PIWIL2: variants seen among roughly 807,000 people sequenced by gnomAD.
PIWIL2 encodes piwi-like protein 2.
PIWIL2 carries 81 observed loss-of-function variants against 116.5 expected under a neutral mutation model. That is an observed-to-expected ratio of 0.70 (90% CI 0.58 to 0.84). The LOEUF is 0.84. Among genes scored for constraint, PIWIL2 ranks in the 40% least tolerant of loss-of-function variants. The pLI is 0.00. For missense variants in PIWIL2, 1,272 were observed against 1,212.3 expected (o/e 1.05, Z -0.73); for synonymous variants, 489 against 429.5 (o/e 1.14, Z -1.71).
chr8:22,340,588 C>A (rs1175409901), intron 20 of PIWIL2, among the ~76,000 whole-genome samples: 1 of 152,112 alleles, frequency 6.6e-6, no homozygotes, highest in Non-Finnish European at 1.5e-5. Context: ...ATTGAAGATG[C>A]AGACACAGAC....
At chr8:22,293,697 A>G (rs1166780071) in intron 10 of PIWIL2, among the ~76,000 whole-genome samples, 3 of 152,224 alleles carry the variant, frequency 2.0e-5, no homozygotes, top group Non-Finnish European at 2.9e-5. Flanking sequence ...TCTCTGTACT[A>G]TTATACAATT....
chr8:22,350,858 A>C (rs1224393401), intron 20 of PIWIL2, among the ~76,000 whole-genome samples: 2 of 151,982 alleles, frequency 1.3e-5, no homozygotes, highest in African/African-American at 4.8e-5. Context: ...AAATAAAATT[A>C]GGCTGGGCGC....
At chr8:22,344,513 C>G (rs1209861097) in intron 20 of PIWIL2, among the ~76,000 whole-genome samples, 1 of 152,052 alleles carries the variant, frequency 6.6e-6, no homozygotes, top group Non-Finnish European at 1.5e-5. Context: ...AAAATAGTCT[C>G]TTAATTTAAA....
At chr8:22,275,718 G>C (rs1282298909) in intron 1 of PIWIL2, 1 of 152,522 alleles carries the variant, frequency 6.6e-6, no homozygotes, top group Admixed American at 6.5e-5. Flanking sequence ...TGCTTTTCTC[G>C]GGGTGGAAAG....
intron 10 of PIWIL2, among the ~76,000 whole-genome samples, chr8:22,293,568 G>A (rs553618795): frequency 9.9e-5 from 15 of 152,106 alleles, no homozygotes; most frequent in African/African-American, 3.1e-4. Context: ...CAGGTAATCC[G>A]CCTGCCTCAG....
At chr8:22,323,917 A>T (rs1831665071) in intron 20 of PIWIL2, among the ~76,000 whole-genome samples, 1 of 152,168 alleles carries the variant, frequency 6.6e-6, no homozygotes, top group Non-Finnish European at 1.5e-5. Context: ...TAGTTGAGCT[A>T]ACAAACAATA....
chr8:22,318,170 C>G lies in PIWIL2; in HGVS notation c.2298C>G (p.Leu766=), dbSNP rs1214863045. 1 of 1,601,760 alleles carries G rather than the reference C, an allele frequency of 6.2e-7. No individual in the cohort carries two copies. Among genetic ancestry groups the G allele is most frequent in the Admixed American group, 1.7e-5 (1 of 59,988 alleles). The change falls in exon 20 of 23, where the codon CTC becomes CTG. Residue 766 remains leucine (L), a splice_region_variant and synonymous_variant. Transcript: ENST00000356766. The part of the protein sequence containing the change: ...SVVGFVASIN[L]TLTKWYSRVV... Reference sequence around the variant, plus strand: ...GTCTCTCTGCTCACCCTGACCCTAGCACCCTCACAAAATGGTATTCCCGGG... The same window carrying G: ...GTCTCTCTGCTCACCCTGACCCTAGGACCCTCACAAAATGGTATTCCCGGG...
At chr8:22,301,957 T>G (rs1057227444) in intron 10 of PIWIL2, among the ~76,000 whole-genome samples, 8 of 152,158 alleles carry the variant, frequency 5.3e-5, no homozygotes, top group East Asian at 1.9e-4. Flanking sequence ...CTCATGTAAT[T>G]TAAGGCACAA....
intron 20 of PIWIL2, among the ~76,000 whole-genome samples, chr8:22,321,260 G>C (rs1004834458): frequency 2.0e-5 from 3 of 151,706 alleles, no homozygotes; most frequent in Non-Finnish European, 4.4e-5. Context: ...ACAGGCATAT[G>C]CCACCAAGCC....
chr8:22,323,186 C>T (rs1307720591), intron 20 of PIWIL2, among the ~76,000 whole-genome samples: 18 of 112,370 alleles, frequency 1.6e-4, no homozygotes, highest in Non-Finnish European at 2.2e-4. Flanking sequence ...CTTGCTCTGT[C>T]GCCCAGGCTG....
rs966513272 is a variant in PIWIL2 at position 22,356,942 on chromosome 8, C to T, written c.*1437C>T. 4.6e-5 allele frequency: 7 copies of T among 151,934 alleles called. No homozygotes were observed. Among genetic ancestry groups the T allele is most frequent in the Non-Finnish European group, 8.8e-5 (6 of 67,990 alleles). The allele number at this position is 151,934 out of a possible 1,614,324, so 9.4% of individuals were successfully genotyped here. On this transcript the variant is annotated 3_prime_UTR_variant, in exon 23 of 23. Transcript: ENST00000356766. Reference sequence around the variant, plus strand: ...TCTTGCTTTATTGGGTTTTAAAAACCGGTCTTATTTAAGCTTTTCTAATTT... The same window carrying T: ...TCTTGCTTTATTGGGTTTTAAAAACTGGTCTTATTTAAGCTTTTCTAATTT...
Position 22,340,918 on chromosome 8 carries a change from G to A in PIWIL2, c.2404-12041G>A, listed in dbSNP as rs182631925. On this transcript the variant is annotated intron_variant, in intron 20 of 22. Transcript: ENST00000356766. The stretch of plus-strand genomic sequence containing the variant: ...TGTAAAGACAGGGTCTCACAGTGTT[G>A]CTTAAGCTGGTCTGGAACTCCCGAA... Among the ~76,000 whole-genome samples the A allele has an allele frequency of 1.9e-4, 29 of 152,114 alleles. 1 individual carries two copies. The East Asian group carries it at 5.4e-3, about 28-fold the overall frequency.
Position 22,304,767 on chromosome 8 carries a change from C to G in PIWIL2, c.1371-17C>G. The G allele has an allele frequency of 6.4e-7, 1 of 1,566,836 alleles. No individual in the cohort carries two copies. The stretch of plus-strand genomic sequence containing the variant: ...ATGCTGCTTCTGAAATTTTTTCCTG[C>G]CTCTACTCTGCTCTAGCAAAAATTA... On this transcript the variant is annotated splice_polypyrimidine_tract_variant and intron_variant, in intron 11 of 22. Transcript: ENST00000356766.
rs1324431058 is a variant in PIWIL2 at position 22,281,410 on chromosome 8, A to C, written c.320A>C (p.Asn107Thr). Reference protein sequence around the residue: ...RGILGRGLSANLVRKDREELS... With the variant: ...RGILGRGLSATLVRKDREELS... ...ATTTTAGGTCGAGGCTTGTCTGCTA[A>C]TCTGGTACGCAAGGACAGGGAGGAA... The change falls in exon 4 of 23, where the codon AAT (asparagine) becomes ACT (threonine). Residue 107 changes from asparagine (N) to threonine (T), a missense_variant. Physicochemically the swap from Asn to Thr is moderately conservative, Grantham distance 65 (BLOSUM62 0). Coordinates refer to ENST00000356766, the MANE Select transcript of PIWIL2 (RefSeq NM_018068.5). 1.2e-6 allele frequency: 2 copies of C among 1,608,606 alleles called. No homozygotes were observed. The highest frequency in any genetic ancestry group is 3.5e-5 in the Admixed American group (2 of 57,898).
chr8:22,278,107 G>A (rs955787250), intron 1 of PIWIL2, among the ~76,000 whole-genome samples: 2 of 152,084 alleles, frequency 1.3e-5, no homozygotes, highest in African/African-American at 2.4e-5. Flanking sequence ...GGCAGAGGTT[G>A]CGGTGAGCCA....
intron 20 of PIWIL2, among the ~76,000 whole-genome samples, chr8:22,346,705 A>C (rs1398516291): frequency 6.6e-6 from 1 of 152,188 alleles, no homozygotes; most frequent in African/African-American, 2.4e-5. Context: ...ATCTGTCAAT[A>C]ATTAGCATAT....
chr8:22,343,170 C>T (rs11779277), intron 20 of PIWIL2, among the ~76,000 whole-genome samples: 61,833 of 151,732 alleles, frequency 0.41, 15,378 homozygotes, highest in East Asian at 0.82. Flanking sequence ...TGGGAGGGGC[C>T]GAGGTGGGCT....
chr8:22,276,951 G>A (rs960098649), intron 1 of PIWIL2, among the ~76,000 whole-genome samples: 4 of 152,096 alleles, frequency 2.6e-5, no homozygotes, highest in Admixed American at 6.5e-5. Context: ...TCAGGAATCA[G>A]GGGCAAGTCA....
intron 16 of PIWIL2, among the ~76,000 whole-genome samples, chr8:22,313,413 G>A (rs762163625): frequency 1.2e-4 from 18 of 152,198 alleles, no homozygotes; most frequent in Non-Finnish European, 2.5e-4. Context: ...AATTGCATAT[G>A]TGTGTATCTT....
Sources: allele counts gnomAD v4.1 joint callset (sites outside exome capture counted in the v4.1 genomes callset), GRCh38; gene constraint gnomAD v4.1.1; transcripts MANE v1.5; gene names NCBI Gene and HGNC (gene_info 2026-07-23, HGNC 2026-07-21).